LRP2: variants seen among roughly 807,000 people sequenced by gnomAD.
LRP2 encodes LDL receptor related protein 2, also known as low-density lipoprotein receptor-related protein 2.
LRP2 carries 172 observed loss-of-function variants against 531.0 expected under a neutral mutation model. The observed-to-expected ratio is 0.32, with a 90% confidence interval of 0.29 to 0.37. The LOEUF (loss-of-function observed/expected upper bound fraction) is 0.37. Among genes scored for constraint, LRP2 ranks in the 10% least tolerant of loss-of-function variants. The pLI is 1.00. For synonymous variants in LRP2, 1,992 were observed against 2,027.6 expected (o/e 0.98, Z 0.47); for missense variants, 5,167 against 5,868.3 (o/e 0.88, Z 3.90).
At chr2:169,133,512 G>T (rs780799777) in intron 76 of LRP2, among the ~76,000 whole-genome samples, 1 of 152,108 alleles carries the variant, frequency 6.6e-6, no homozygotes, top group African/African-American at 2.4e-5. Flanking sequence ...AAACATTTCC[G>T]ATCTTAAAAT....
chr2:169,188,199 T>C lies in LRP2; in HGVS notation c.9099A>G (p.Gln3033=), dbSNP rs370051632. 3.1e-6 allele frequency: 5 copies of C among 1,614,030 alleles called. No individual in the cohort carries two copies. In the African/African-American group the frequency reaches 5.3e-5, roughly 17 times the overall value. ...DERGCLYQTC[Q]QNQFTCQNGR... ...CGTTCTGACAGGTAAACTGATTCTG[T>C]TGGCAAGTCTGGTATAAGCAGCCCC... The change falls in exon 49 of 79, where the codon CAA becomes CAG. Residue 3033 remains glutamine, a synonymous_variant. Transcript: ENST00000649046.
chr2:169,154,390 T>C, intron 66 of LRP2, 70 bp downstream of exon 66: 1 of 1,438,934 alleles, frequency 6.9e-7, no homozygotes, highest in Non-Finnish European at 9.8e-7. Context: ...ATAAATTCCT[T>C]AAAAGTCAAC....
chr2:169,165,559 C>T (rs936852931), intron 62 of LRP2, among the ~76,000 whole-genome samples: 7 of 152,170 alleles, frequency 4.6e-5, no homozygotes, highest in African/African-American at 1.7e-4. Flanking sequence ...CTCCTGAAGG[C>T]TGAAGGATGA....
chr2:169,146,663 C>A, intron 69 of LRP2, 76 bp downstream of exon 69: 1 of 1,289,704 alleles, frequency 7.8e-7, no homozygotes, highest in Non-Finnish European at 1.1e-6. Context: ...AGGGCTCCTT[C>A]TTGAGAAAAC....
intron 60 of LRP2, 42 bp downstream of exon 60, chr2:169,169,660 G>T: frequency 6.9e-7 from 1 of 1,446,930 alleles, no homozygotes; most frequent in Non-Finnish European, 9.7e-7. Flanking sequence ...TCATATCCAT[G>T]CTCTCAGGTA....
intron 9 of LRP2, 135 bp downstream of exon 9, chr2:169,288,891 T>G (rs1473904061): frequency 7.3e-7 from 1 of 1,364,116 alleles, no homozygotes; most frequent in African/African-American, 1.4e-5. Flanking sequence ...AGGTTTTCTG[T>G]GAGGTCTGGG....
At chr2:169,257,036 C>T (rs1312614949) in intron 18 of LRP2, 88 bp downstream of exon 18, 23 of 1,504,180 alleles carry the variant, frequency 1.5e-5, no homozygotes, top group Non-Finnish European at 2.0e-5. Context: ...GTACCAGTTT[C>T]CTTACACCAT....
chr2:169,209,755 A>G (rs916189783), intron 37 of LRP2, 114 bp from the exon 38 acceptor site: 18 of 1,007,380 alleles, frequency 1.8e-5, no homozygotes, highest in African/African-American at 4.8e-5. Flanking sequence ...GCATCTCCCC[A>G]TTACAAAATG....
At chr2:169,153,611 A>G (rs1418641344) in intron 66 of LRP2, among the ~76,000 whole-genome samples, 1 of 152,238 alleles carries the variant, frequency 6.6e-6, no homozygotes. Context: ...AATCTTCCAA[A>G]CAACTCTCAG....
intron 4 of LRP2, among the ~76,000 whole-genome samples, chr2:169,304,489 T>C (rs1225624160): frequency 6.6e-6 from 1 of 152,216 alleles, no homozygotes; most frequent in Non-Finnish European, 1.5e-5. Context: ...CTGAAATTTA[T>C]AAAATGCTAC....
chr2:169,184,565 C>T (rs975781255), intron 50 of LRP2, among the ~76,000 whole-genome samples: 2 of 152,114 alleles, frequency 1.3e-5, no homozygotes, highest in African/African-American at 4.8e-5. Context: ...GCCAAGAATC[C>T]GATAGATTTG....
At position 169,175,328 on chromosome 2, in the gene LRP2, G is replaced by T. The variant is rs150920674; in HGVS notation, c.10633C>A (p.Leu3545Met). The T allele has an allele frequency of 1.9e-5, 30 of 1,614,092 alleles. No individual in the cohort carries two copies. In the African/African-American group the frequency reaches 3.7e-4, roughly 20 times the overall value. ...QKDCSDGSDE[L>M]ALCPQRFCRL... ...CAGAAGCGCTGCGGGCAAAGGGCCA[G>T]TTCATCAGAGCCATCTGAGCAGTCT... Residue 3545 changes from leucine (L) to methionine (M), a missense_variant, in exon 55 of 79, where the codon CTG (leucine) becomes ATG (methionine). Physicochemically the swap from Leu to Met is conservative, Grantham distance 15. Coordinates refer to ENST00000649046, the MANE Select transcript of LRP2 (RefSeq NM_004525.3).
intron 2 of LRP2, among the ~76,000 whole-genome samples, chr2:169,319,272 T>C (rs1684849191): frequency 6.6e-6 from 1 of 152,230 alleles, no homozygotes; most frequent in African/African-American, 2.4e-5. Context: ...GGAAAATTCA[T>C]GAGATTTGGG....
chr2:169,288,916 G>C (rs831017), intron 9 of LRP2, 110 bp downstream of exon 9: 1 of 1,546,890 alleles, frequency 6.5e-7, no homozygotes, highest in Non-Finnish European at 8.9e-7. Context: ...TCTTTGTTAT[G>C]ACAGACCATG....
chr2:169,176,049 G>A (rs576196217), intron 54 of LRP2, among the ~76,000 whole-genome samples: 1 of 152,308 alleles, frequency 6.6e-6, no homozygotes, highest in South Asian at 2.1e-4. Context: ...TAAGGAGCTA[G>A]GCCGGCATAG....
At chr2:169,147,043 G>A (rs1260952376) in intron 68 of LRP2, 84 bp from the exon 69 acceptor site, 2 of 1,040,976 alleles carry the variant, frequency 1.9e-6, no homozygotes, top group African/African-American at 3.1e-5. Context: ...TACCTACAGG[G>A]AAACCAACTG....
intron 19 of LRP2, 98 bp from the exon 20 acceptor site, chr2:169,247,613 G>A (rs987338007): frequency 7.1e-6 from 9 of 1,266,078 alleles, no homozygotes; most frequent in Admixed American, 7.0e-5. Context: ...CTTCTTGCAA[G>A]TACGATCATC....
At chr2:169,306,436 A>G (rs1030134468) in intron 4 of LRP2, among the ~76,000 whole-genome samples, 2 of 152,100 alleles carry the variant, frequency 1.3e-5, no homozygotes, top group Admixed American at 6.5e-5. Context: ...CGGGAGGCTG[A>G]GGCAGGAGAA....
At position 169,239,522 on chromosome 2, in the gene LRP2, A is replaced by G. The variant is rs111269636; in HGVS notation, c.4294+5T>C. ...TAAACTGGCTCGGGTTAGTTCAGCA[A>G]TTACCTGTAACTTTGCAAGTCCTCC... On this transcript the variant is annotated splice_donor_5th_base_variant and intron_variant, in intron 26 of 78. Transcript: ENST00000649046. 5 of 1,613,934 alleles carry G rather than the reference A, an allele frequency of 3.1e-6. No individual in the cohort carries two copies. Among genetic ancestry groups the G allele is most frequent in the Non-Finnish European group, 1.7e-6 (2 of 1,179,912 alleles).
Sources: gnomAD v4.1 joint callset for allele counts (sites outside exome capture counted in the v4.1 genomes callset) on GRCh38, gnomAD v4.1.1 for gene constraint, MANE v1.5 for transcripts, NCBI Gene and HGNC (gene_info 2026-07-23, HGNC 2026-07-21) for gene names.